Variants in SLAMF1 observed in about 807,000 individuals in gnomAD.
The protein encoded by SLAMF1 is signaling lymphocytic activation molecule family member 1, also known as signaling lymphocytic activation molecule.
A neutral mutation model predicts 35.1 loss-of-function variants in SLAMF1; 18 were observed. The observed-to-expected ratio is 0.51, with a 90% CI of 0.35 to 0.76. The LOEUF (loss-of-function observed/expected upper bound fraction) is 0.76. Ranked by LOEUF, SLAMF1 falls within the 30% of genes least tolerant of loss-of-function variation. The pLI is 0.01. For synonymous variants in SLAMF1, 168 were observed against 157.2 expected (o/e 1.07, Z -0.51); for missense variants, 392 against 413.0 (o/e 0.95, Z 0.44).
chr1:160,624,306 G>T, intron 3 of SLAMF1, 121 bp from the exon 4 acceptor site: 1 of 748,520 alleles, frequency 1.3e-6, no homozygotes, highest in Non-Finnish European at 2.2e-6. Flanking sequence ...CAAGGGAGAC[G>T]TTTGTTTTCA....
At chr1:160,629,026 C>T (rs1344454716) in intron 3 of SLAMF1, among the ~76,000 whole-genome samples, 1 of 152,182 alleles carries the variant, frequency 6.6e-6, no homozygotes, top group Non-Finnish European at 1.5e-5. Flanking sequence ...CTCCTGACTC[C>T]TTCATTCACA....
chr1:160,613,969 T>A (rs866390351), intron 5 of SLAMF1, among the ~76,000 whole-genome samples: 39 of 152,386 alleles, frequency 2.6e-4, no homozygotes, highest in Admixed American at 6.5e-4. Context: ...TTATTATGCA[T>A]ATGAATTACT....
chr1:160,642,356 T>C lies in SLAMF1; in HGVS notation c.76+4514A>G, dbSNP rs1228309765. ...TCTTTCTGGTCTCCATTTTGACATC[T>C]CTTTCATAGGGAAGACTTTCCTGAC... On this transcript the variant is annotated intron_variant, in intron 1 of 6. Coordinates refer to ENST00000302035, the MANE Select transcript of SLAMF1 (RefSeq NM_003037.5). This position sits in a 1 kb window ranked among gnomAD's most constrained non-coding sequence, Gnocchi z 4.2. 6.6e-6 allele frequency among the ~76,000 whole-genome samples: 1 copy of C among 152,206 alleles called. No homozygotes were observed. The highest frequency in any genetic ancestry group is 1.5e-5 in the Non-Finnish European group (1 of 68,040).
chr1:160,645,818 C>G (rs1661013974), intron 1 of SLAMF1, among the ~76,000 whole-genome samples: 1 of 152,158 alleles, frequency 6.6e-6, no homozygotes, highest in African/African-American at 2.4e-5. Flanking sequence ...AAGACACATC[C>G]ATTGTGCAGC....
chr1:160,634,987 A>G, intron 2 of SLAMF1, 90 bp from the exon 3 acceptor site: 2 of 1,172,532 alleles, frequency 1.7e-6, no homozygotes, highest in South Asian at 1.5e-5. Context: ...GTACAGCCTA[A>G]TGGCATTTTC....
At chr1:160,615,505 C>T (rs1413776245) in intron 5 of SLAMF1, among the ~76,000 whole-genome samples, 1 of 152,024 alleles carries the variant, frequency 6.6e-6, no homozygotes, top group Non-Finnish European at 1.5e-5. Context: ...AAAGAAACCC[C>T]AGTCTCAGAT....
At chr1:160,646,598 G>T (rs531791365) in intron 1 of SLAMF1, among the ~76,000 whole-genome samples, 2 of 152,306 alleles carry the variant, frequency 1.3e-5, no homozygotes, top group East Asian at 3.9e-4. Flanking sequence ...GTCACCCTAA[G>T]ACTGGTCAGA....
At chr1:160,629,266 T>G (rs762865274) in intron 3 of SLAMF1, among the ~76,000 whole-genome samples, 1 of 151,976 alleles carries the variant, frequency 6.6e-6, no homozygotes, top group Non-Finnish European at 1.5e-5. Flanking sequence ...TTTTTTTTCT[T>G]GTCTCTGAAA....
intron 3 of SLAMF1, among the ~76,000 whole-genome samples, chr1:160,628,585 C>T (rs1309136789): frequency 6.6e-6 from 1 of 152,184 alleles, no homozygotes; most frequent in East Asian, 1.9e-4. Context: ...TGAAGGTAGG[C>T]CCTGTACCTT....
chr1:160,633,623 G>T (rs1186289990), intron 3 of SLAMF1, among the ~76,000 whole-genome samples: 1 of 152,228 alleles, frequency 6.6e-6, no homozygotes, highest in African/African-American at 2.4e-5. Flanking sequence ...ATGCCTTGCA[G>T]AGCAACACCC....
At chr1:160,644,534 G>A (rs1297021896) in intron 1 of SLAMF1, among the ~76,000 whole-genome samples, 1 of 152,190 alleles carries the variant, frequency 6.6e-6, no homozygotes, top group Non-Finnish European at 1.5e-5. Context: ...CAGGCTCTCA[G>A]TACAGACACA....
intron 5 of SLAMF1, among the ~76,000 whole-genome samples, chr1:160,618,876 C>G (rs1411386564): frequency 6.6e-6 from 1 of 152,062 alleles, no homozygotes; most frequent in South Asian, 2.1e-4. Flanking sequence ...GGATTCTCAT[C>G]TATTTAAATG....
At chr1:160,620,205 T>G (rs1659534252) in intron 4 of SLAMF1, among the ~76,000 whole-genome samples, 1 of 152,228 alleles carries the variant, frequency 6.6e-6, no homozygotes, top group Non-Finnish European at 1.5e-5. Flanking sequence ...TAATCTCTGT[T>G]GCTCAATGTG....
Position 160,610,744 on chromosome 1 carries a change from G to T in SLAMF1, c.*4C>A. On this transcript the variant is annotated 3_prime_UTR_variant, in exon 7 of 7. Transcript: ENST00000302035. ...TCAGAAAGTCCCTTTGTTGGTCTCT[G>T]GTGTCAGCTCTCTGGAAGTGTCACA... The T allele has an allele frequency of 6.2e-7, 1 of 1,608,846 alleles. No individual in the cohort carries two copies. The highest frequency in any genetic ancestry group is 8.5e-7 in the Non-Finnish European group (1 of 1,175,296).
intron 5 of SLAMF1, 130 bp from the exon 6 acceptor site, chr1:160,612,710 TC>T: frequency 1.7e-6 from 1 of 600,740 alleles, no homozygotes; most frequent in South Asian, 2.0e-5. Flanking sequence ...TGGTCCAACC[TC>T]CTTCTCAGGT....
In SLAMF1 at chr1:160,608,262, G is replaced by A. The variant is rs995058179; in HGVS notation, c.*2486C>T. On this transcript the variant is annotated 3_prime_UTR_variant, in exon 7 of 7. Coordinates refer to ENST00000302035, the MANE Select transcript of SLAMF1 (RefSeq NM_003037.5). ...GTGAATGGAGGAAGCGTCCTGAAGA[G>A]CCTGGGACTGTGCCCAGTTGTACTT... 1 of 152,234 alleles carries A rather than the reference G, an allele frequency of 6.6e-6. No homozygotes were observed. Among genetic ancestry groups the A allele is most frequent in the African/African-American group, 2.4e-5 (1 of 41,446 alleles). 9.4% of individuals were successfully genotyped at this position (152,234 alleles called of 1,614,324 possible).
At chr1:160,622,996 C>T (rs1659699303) in intron 4 of SLAMF1, among the ~76,000 whole-genome samples, 1 of 151,998 alleles carries the variant, frequency 6.6e-6, no homozygotes, top group Non-Finnish European at 1.5e-5. Flanking sequence ...TTACAAGGGA[C>T]AAATGGTGAA....
intron 3 of SLAMF1, among the ~76,000 whole-genome samples, chr1:160,630,527 A>G (rs1660110931): frequency 6.6e-6 from 1 of 152,156 alleles, no homozygotes; most frequent in South Asian, 2.1e-4. Flanking sequence ...ACAGATGGCA[A>G]AGCAACCTCT....
intron 1 of SLAMF1, among the ~76,000 whole-genome samples, chr1:160,644,718 G>A (rs1429683261): frequency 1.3e-5 from 2 of 152,170 alleles, no homozygotes; most frequent in Non-Finnish European, 2.9e-5. Flanking sequence ...TCCAGTGAGG[G>A]AGACAGTGAA....
Sources: allele counts gnomAD v4.1 joint callset (sites outside exome capture counted in the v4.1 genomes callset), GRCh38; gene constraint gnomAD v4.1.1; non-coding constraint Gnocchi (gnomAD v3.1); transcripts MANE v1.5; gene names NCBI Gene and HGNC (gene_info 2026-07-23, HGNC 2026-07-21).